ANK1: variants seen among roughly 807,000 people sequenced by gnomAD.
ANK1 encodes the protein ankyrin 1, also known as ankyrin-1.
In ANK1, 51 loss-of-function variants were observed where a neutral mutation model predicts 210.4. The observed-to-expected ratio is 0.24, with a 90% CI of 0.19 to 0.31. The LOEUF (loss-of-function observed/expected upper bound fraction) is 0.31. Among genes scored for constraint, ANK1 ranks in the 10% least tolerant of loss-of-function variants. The pLI, the probability that ANK1 is intolerant of heterozygous loss-of-function variation, is 1.00. For synonymous variants in ANK1, 967 were observed against 1,025.9 expected (o/e 0.94, Z 1.10); for missense variants, 2,051 against 2,504.4 (o/e 0.82, Z 3.86).
At chr8:41,896,036 GTCCTAGA>G (rs1318568456) in intron 1 of ANK1, among the ~76,000 whole-genome samples, 3 of 152,224 alleles carry the variant, frequency 2.0e-5, no homozygotes, top group Non-Finnish European at 2.9e-5. Context: ...GGGAAAGTTG[GTCCTAGA>G]GCAGCGCGGG....
At chr8:41,865,126 C>T (rs527273534) in intron 1 of ANK1, among the ~76,000 whole-genome samples, 1 of 152,276 alleles carries the variant, frequency 6.6e-6, no homozygotes, top group Admixed American at 6.5e-5. Context: ...TCCCTGGCCA[C>T]CCAAGGGCTC....
At chr8:41,864,071 A>G (rs1446726559) in intron 1 of ANK1, among the ~76,000 whole-genome samples, 1 of 152,090 alleles carries the variant, frequency 6.6e-6, no homozygotes, top group African/African-American at 2.4e-5. Flanking sequence ...TAGCACGGTG[A>G]AACCCCGTCT....
At chr8:41,739,431 A>T (rs1167344484) in intron 2 of ANK1, among the ~76,000 whole-genome samples, 1 of 151,920 alleles carries the variant, frequency 6.6e-6, no homozygotes, top group East Asian at 1.9e-4. Context: ...AGTCCATCTA[A>T]TACTTCCAAC....
intron 1 of ANK1, among the ~76,000 whole-genome samples, chr8:41,859,150 C>T (rs1180415201): frequency 6.6e-6 from 1 of 152,172 alleles, no homozygotes; most frequent in Non-Finnish European, 1.5e-5. Context: ...CTCTGAGACC[C>T]CATGGTGCAG....
chr8:41,806,103 T>C (rs1850930074), intron 1 of ANK1, among the ~76,000 whole-genome samples: 1 of 152,218 alleles, frequency 6.6e-6, no homozygotes, highest in Admixed American at 6.5e-5. Flanking sequence ...ATTTTGACCC[T>C]AGAACCCCTT....
At chr8:41,721,221 C>A (rs1586441351) in intron 9 of ANK1, among the ~76,000 whole-genome samples, 1 of 152,238 alleles carries the variant, frequency 6.6e-6, no homozygotes, top group African/African-American at 2.4e-5. Flanking sequence ...GATTTGGGCA[C>A]CTGCACAGCA....
intron 1 of ANK1, among the ~76,000 whole-genome samples, chr8:41,856,801 C>T (rs1006114428): frequency 3.3e-5 from 5 of 151,770 alleles, no homozygotes; most frequent in African/African-American, 7.3e-5. Flanking sequence ...ATTTCTGGTC[C>T]CAAGCATTCT....
At chr8:41,821,498 C>T (rs375621564) in intron 1 of ANK1, among the ~76,000 whole-genome samples, 2 of 152,216 alleles carry the variant, frequency 1.3e-5, no homozygotes, top group South Asian at 2.1e-4. Context: ...AAAATAAGTG[C>T]TCAGTAATTA....
chr8:41,749,104 A>G (rs938877549), intron 2 of ANK1, among the ~76,000 whole-genome samples: 3 of 151,992 alleles, frequency 2.0e-5, no homozygotes, highest in Non-Finnish European at 2.9e-5. Flanking sequence ...TCAGGATGGC[A>G]CTTACGATAC....
intron 16 of ANK1, among the ~76,000 whole-genome samples, chr8:41,709,875 G>A (rs1825676574): frequency 6.6e-6 from 1 of 152,184 alleles, no homozygotes; most frequent in Admixed American, 6.5e-5. Context: ...GCTGCAGTGA[G>A]CTCTGATCGT....
chr8:41,740,124 T>A (rs1389292353), intron 2 of ANK1, among the ~76,000 whole-genome samples: 1 of 151,498 alleles, frequency 6.6e-6, no homozygotes, highest in African/African-American at 2.4e-5. Flanking sequence ...CCCCCAGCAG[T>A]AGTCGACCCC....
intron 42 of ANK1, chr8:41,661,074 C>T (rs1474479201): frequency 6.3e-6 from 2 of 319,878 alleles, no homozygotes; most frequent in Non-Finnish European, 1.2e-5. Flanking sequence ...TGGGGTCTTG[C>T]TCTGTTGCCC....
intron 16 of ANK1, among the ~76,000 whole-genome samples, chr8:41,710,765 C>T (rs1029596230): frequency 6.6e-5 from 10 of 152,224 alleles, no homozygotes; most frequent in African/African-American, 2.4e-4. Context: ...CAGCCACTCT[C>T]TTACTGTGGA....
chr8:41,866,237 T>A (rs528022506), intron 1 of ANK1, among the ~76,000 whole-genome samples: 10 of 152,260 alleles, frequency 6.6e-5, no homozygotes, highest in Admixed American at 1.3e-4. Flanking sequence ...TTACCCATGC[T>A]GAAGTGCAAT....
At chr8:41,684,510 G>T (rs188145508) in intron 37 of ANK1, 34 bp downstream of exon 37, 1 of 1,612,582 alleles carries the variant, frequency 6.2e-7, no homozygotes, top group Non-Finnish European at 8.5e-7. Flanking sequence ...GCAGGGCTCC[G>T]GCTCAGTCCC....
intron 3 of ANK1, among the ~76,000 whole-genome samples, chr8:41,731,012 G>A (rs1228244258): frequency 1.3e-5 from 2 of 152,248 alleles, no homozygotes; most frequent in African/African-American, 4.8e-5. Context: ...GAGCTCATCA[G>A]TGATGGAAAC....
At chr8:41,668,160 G>T in intron 39 of ANK1, 107 bp downstream of exon 39, 2 of 1,467,098 alleles carry the variant, frequency 1.4e-6, no homozygotes, top group South Asian at 1.1e-5. Flanking sequence ...TAAAGGAAGG[G>T]GATATGCTTA....
chr8:41,702,184 G>T, intron 20 of ANK1, 40 bp from the exon 21 acceptor site: 3 of 1,548,690 alleles, frequency 1.9e-6, no homozygotes, highest in Non-Finnish European at 8.9e-7. Flanking sequence ...GACAGGGGAT[G>T]GAGTCTAGGA....
chr8:41,889,125 T>C (rs1030160156), intron 1 of ANK1, among the ~76,000 whole-genome samples: 11 of 152,178 alleles, frequency 7.2e-5, no homozygotes, highest in African/African-American at 2.7e-4. Context: ...CTGGCATGAG[T>C]CACTGTGCCC....
Sources: allele counts gnomAD v4.1 joint callset (sites outside exome capture counted in the v4.1 genomes callset), GRCh38; gene constraint gnomAD v4.1.1; transcripts MANE v1.5; gene names NCBI Gene and HGNC (gene_info 2026-07-23, HGNC 2026-07-21).